The following CACNA1S variants were observed in gnomAD, a reference collection of about 807,000 sequenced individuals.
The protein encoded by CACNA1S is calcium voltage-gated channel subunit alpha1 S.
A neutral mutation model predicts 207.4 loss-of-function variants in CACNA1S; 126 were observed. The ratio of observed to expected loss-of-function variants is 0.61; its 90% confidence interval spans 0.53 to 0.70. The LOEUF is 0.70. Ranked by LOEUF, CACNA1S falls within the 30% of genes least tolerant of loss-of-function variation. CACNA1S has a pLI of 0.00. For synonymous variants in CACNA1S, 960 were observed against 932.7 expected (o/e 1.03, Z -0.53); for missense variants, 2,349 against 2,422.8 (o/e 0.97, Z 0.64).
chr1:201,047,530 A>T lies in CACNA1S; in HGVS notation c.4538T>A (p.Ile1513Lys). 1 of 1,613,072 alleles carries T rather than the reference A, an allele frequency of 6.2e-7. No individual in the cohort carries two copies. Among genetic ancestry groups the T allele is most frequent in the Non-Finnish European group, 8.5e-7 (1 of 1,179,088 alleles). Reference sequence around the variant, plus strand: ...TCCCCCAAAGTAGCACCTACCTCCTATTGGAGGGATGACCTGGTCCAAGAG... The same window carrying T: ...TCCCCCAAAGTAGCACCTACCTCCTTTTGGAGGGATGACCTGGTCCAAGAG... ...MKLLDQVIPP[I>K]GDDEVTVGKF... Residue 1513 changes from isoleucine (I) to lysine (K), a missense_variant, in exon 37 of 44, where the codon ATA becomes AAA. Transcript: ENST00000362061.
At chr1:201,052,749 A>G in intron 31 of CACNA1S, 101 bp from the exon 32 acceptor site, 2 of 966,518 alleles carry the variant, frequency 2.1e-6, no homozygotes, top group Non-Finnish European at 3.3e-6. Flanking sequence ...CTTCGCCCCT[A>G]CTTCCCCAAA....
chr1:201,080,843 A>G (rs1413054005), intron 10 of CACNA1S, among the ~76,000 whole-genome samples: 1 of 152,090 alleles, frequency 6.6e-6, no homozygotes, highest in African/African-American at 2.4e-5. Flanking sequence ...GCATCCTTAA[A>G]GAATGGTTTA....
intron 2 of CACNA1S, among the ~76,000 whole-genome samples, chr1:201,101,904 C>A (rs1171709983): frequency 6.6e-6 from 1 of 151,764 alleles, no homozygotes; most frequent in Non-Finnish European, 1.5e-5. Context: ...AAAAAAAGTA[C>A]AAGAAGAAAA....
Position 201,039,916 on chromosome 1 carries a change from A to G in CACNA1S, c.5537T>C (p.Leu1846Pro), listed in dbSNP as rs1381509363. Reference sequence around the variant, plus strand: ...GGAGGACCCGAGGTTCAGGCATCCCAGGGAGCTGGCCATGCCCTCTGGGGC... The same window carrying G: ...GGAGGACCCGAGGTTCAGGCATCCCGGGGAGCTGGCCATGCCCTCTGGGGC... ...REAPEGMASS[L>P]GCLNLGSSLG... The change falls in exon 44 of 44, where the codon CTG becomes CCG. Residue 1846 changes from leucine to proline, a missense_variant. Physicochemically the swap from Leu to Pro is moderately conservative, Grantham distance 98. Transcript: ENST00000362061. 1 of 1,613,998 alleles carries G rather than the reference A, an allele frequency of 6.2e-7. No individual in the cohort carries two copies. Among genetic ancestry groups the G allele is most frequent in the Non-Finnish European group, 8.5e-7 (1 of 1,180,032 alleles).
intron 3 of CACNA1S, among the ~76,000 whole-genome samples, chr1:201,093,202 G>C (rs12125295): frequency 6.6e-6 from 1 of 152,314 alleles, no homozygotes; most frequent in South Asian, 2.1e-4. Context: ...TTTGGAGACA[G>C]GGTCTTTAAA....
chr1:201,109,709 C>T (rs1663026841), intron 2 of CACNA1S, among the ~76,000 whole-genome samples: 1 of 152,178 alleles, frequency 6.6e-6, no homozygotes, highest in Non-Finnish European at 1.5e-5. Flanking sequence ...GTCCTTGCTT[C>T]AGATTCCTGG....
intron 7 of CACNA1S, among the ~76,000 whole-genome samples, chr1:201,086,227 G>A (rs1254029045): frequency 1.3e-5 from 2 of 152,240 alleles, no homozygotes; most frequent in African/African-American, 4.8e-5. Context: ...CCCTGGTCAG[G>A]TGGGGTCCAG....
At chr1:201,077,476 A>G (rs537382752) in intron 11 of CACNA1S, among the ~76,000 whole-genome samples, 3 of 152,306 alleles carry the variant, frequency 2.0e-5, no homozygotes, top group African/African-American at 7.2e-5. Context: ...AAATAGTGCA[A>G]GCAGATGAAC....
intron 22 of CACNA1S, among the ~76,000 whole-genome samples, chr1:201,064,574 C>G (rs1300896157): frequency 6.6e-6 from 1 of 152,212 alleles, no homozygotes. Context: ...GATGCCATTT[C>G]ATGTCTAAGA....
intron 9 of CACNA1S, among the ~76,000 whole-genome samples, chr1:201,084,040 T>C (rs1007073769): frequency 6.6e-6 from 1 of 152,220 alleles, no homozygotes; most frequent in Non-Finnish European, 1.5e-5. Context: ...TCCTGTGGAA[T>C]GTTTTACATC....
chr1:201,047,702 C>A (rs901456900), intron 36 of CACNA1S, 76 bp from the exon 37 acceptor site: 2 of 943,872 alleles, frequency 2.1e-6, no homozygotes, highest in African/African-American at 1.6e-5. Flanking sequence ...TCTTTCTGAA[C>A]CTTTCAGACA....
chr1:201,065,876 G>A lies in CACNA1S; in HGVS notation c.2815C>T (p.Gln939Ter), dbSNP rs1661217673. The A allele has an allele frequency of 6.2e-7, 1 of 1,614,142 alleles. No homozygotes were observed. Among genetic ancestry groups the A allele is most frequent in the Non-Finnish European group, 8.5e-7 (1 of 1,179,964 alleles). ...GNIVLVTTLL[Q>*]FMFACIGVQL... Reference sequence around the variant, plus strand: ...ACGCCGATGCAGGCAAACATGAACTGTAGGAGGGTAGTGACCAGCACGATG... The same window carrying A: ...ACGCCGATGCAGGCAAACATGAACTATAGGAGGGTAGTGACCAGCACGATG... The change falls in exon 22 of 44, where the codon CAG becomes TAG. Residue 939 changes from glutamine (Q) to a stop codon, truncating the protein, a stop_gained. Coordinates refer to ENST00000362061, the MANE Select transcript of CACNA1S (RefSeq NM_000069.3). LOFTEE classifies it high-confidence loss of function.
intron 40 of CACNA1S, chr1:201,043,009 T>C: frequency 2.3e-6 from 1 of 439,278 alleles, no homozygotes; most frequent in Non-Finnish European, 4.2e-6. Flanking sequence ...TCAATACGTC[T>C]CAGCTCCTAG....
chr1:201,073,842 G>A (rs1305266653), intron 14 of CACNA1S, among the ~76,000 whole-genome samples, 200 bp from the exon 15 acceptor site: 1 of 152,182 alleles, frequency 6.6e-6, no homozygotes, highest in African/African-American at 2.4e-5. Flanking sequence ...CACAGCATGG[G>A]CCCATGGCTA....
chr1:201,110,030 C>T (rs1663036362), intron 2 of CACNA1S, 134 bp downstream of exon 2: 3 of 811,442 alleles, frequency 3.7e-6, no homozygotes, highest in African/African-American at 3.4e-5. Context: ...CTGCAGGTGG[C>T]TGGGGATGCA....
chr1:201,105,660 T>C lies in CACNA1S; in HGVS notation c.258+4504A>G, dbSNP rs79872504. ...CTGCATATTCATTCCCAGGACTCCT[T>C]GCTCTCTCTGGGCCTCAGTTTCCTC... On this transcript the variant is annotated intron_variant, in intron 2 of 43. Coordinates refer to ENST00000362061, the MANE Select transcript of CACNA1S (RefSeq NM_000069.3). Among the ~76,000 whole-genome samples, 1,275 of 152,274 alleles carry C rather than the reference T, an allele frequency of 8.4e-3. 24 individuals are homozygous for C. Among genetic ancestry groups the C allele is most frequent in the African/African-American group, 0.03 (1,230 of 41,540 alleles).
rs1558080678 is a variant in CACNA1S at position 201,091,664 on chromosome 1, TG to T, written c.669del (p.His223GlnfsTer111). 1 of 1,614,242 alleles carries T rather than the reference TG, an allele frequency of 6.2e-7. No individual in the cohort carries two copies. Among genetic ancestry groups the T allele is most frequent in the Admixed American group, 1.7e-5 (1 of 60,032 alleles). On this transcript the variant is annotated frameshift_variant, in exon 5 of 44. Transcript: ENST00000362061. LOFTEE classifies it high-confidence loss of function. The stretch of plus-strand genomic sequence containing the variant: ...CCTGTACCAATGAAGTAGCAGGTCT[TG>T]TGCATCTTGCCCTTGAAGAGCTCCA... ...IGLELFKGKM[H>X]KTCYFIGTDI...
At chr1:201,065,739 G>C in intron 22 of CACNA1S, 99 bp downstream of exon 22, 1 of 797,494 alleles carries the variant, frequency 1.3e-6, no homozygotes, top group South Asian at 1.4e-5. Context: ...CTGTGCATTC[G>C]AAGACATCTG....
chr1:201,088,089 C>A (rs1285376364), intron 6 of CACNA1S, among the ~76,000 whole-genome samples, 160 bp from the exon 7 acceptor site: 2 of 152,156 alleles, frequency 1.3e-5, no homozygotes, highest in African/African-American at 4.8e-5. Flanking sequence ...TCTGGAAGAA[C>A]TTTTCCAGCC....
Sources: gnomAD v4.1 joint callset for allele counts (sites outside exome capture counted in the v4.1 genomes callset) on GRCh38, gnomAD v4.1.1 for gene constraint, MANE v1.5 for transcripts, NCBI Gene and HGNC (gene_info 2026-07-23, HGNC 2026-07-21) for gene names.